Variants in SYMPK observed in about 807,000 individuals in gnomAD.
SYMPK encodes symplekin.
In SYMPK, 49 loss-of-function variants were observed where a neutral mutation model predicts 136.4. That is an observed-to-expected ratio of 0.36 (90% confidence interval 0.29 to 0.46). The LOEUF is 0.46. SYMPK is among the 20% of genes least tolerant of loss of function. The probability of loss-of-function intolerance (pLI) is 1.00; values close to 1 mark genes in which losing one functional copy is unlikely to be tolerated. For missense variants in SYMPK, 1,365 were observed against 1,690.0 expected, an observed-to-expected ratio of 0.81 and a Z score of 3.37; for synonymous variants, 766 against 713.0, an observed-to-expected ratio of 1.07 and a Z score of -1.19.
intron 10 of SYMPK, 125 bp downstream of exon 10, chr19:45,838,336 C>T (rs1462800987): frequency 8.4e-6 from 10 of 1,197,332 alleles, no homozygotes; most frequent in Non-Finnish European, 1.1e-5. Context: ...CCAATTAAAC[C>T]CCTTTTCTTT....
chr19:45,858,110 G>GT (rs1363765560), intron 1 of SYMPK, among the ~76,000 whole-genome samples: 3 of 152,006 alleles, frequency 2.0e-5, no homozygotes, highest in Non-Finnish European at 2.9e-5. Context: ...AAAATGACAC[G>GT]TTTTTTAAAA....
In SYMPK at chr19:45,842,244, T is replaced by C; in HGVS notation, c.1087+6A>G. The C allele has an allele frequency of 6.2e-7, 1 of 1,613,966 alleles. No homozygotes were observed. Among genetic ancestry groups the C allele is most frequent in the Non-Finnish European group, 8.5e-7 (1 of 1,179,844 alleles). ...CTGCCTGCCCCACCCCACCAGCCCCTCTCACCCAGCTTCATCTTCTTGAGT... is the reference window on the plus strand; with the variant it reads ...CTGCCTGCCCCACCCCACCAGCCCCCCTCACCCAGCTTCATCTTCTTGAGT... On this transcript the variant is annotated splice_donor_region_variant and intron_variant, in intron 9 of 26. Transcript: ENST00000245934.
intron 6 of SYMPK, 102 bp from the exon 7 acceptor site, chr19:45,848,103 T>TG (rs1971611836): frequency 2.3e-6 from 3 of 1,330,106 alleles, no homozygotes; most frequent in Non-Finnish European, 3.1e-6. Context: ...CCATGAATGA[T>TG]GAATACATTC....
chr19:45,832,542 T>G (rs773862727), intron 11 of SYMPK, among the ~76,000 whole-genome samples: 2 of 151,868 alleles, frequency 1.3e-5, no homozygotes, highest in Admixed American at 6.6e-5. Context: ...ATGAAGAGAG[T>G]TGGACACAAA....
intron 9 of SYMPK, among the ~76,000 whole-genome samples, chr19:45,839,027 T>C (rs943490380): frequency 1.3e-5 from 2 of 152,172 alleles, no homozygotes; most frequent in South Asian, 4.1e-4. Context: ...ACTGGGATTA[T>C]AGGCATGCGC....
intron 11 of SYMPK, among the ~76,000 whole-genome samples, chr19:45,834,210 C>T (rs930814544): frequency 6.6e-6 from 1 of 152,142 alleles, no homozygotes; most frequent in Non-Finnish European, 1.5e-5. Context: ...ATGGCGTGAA[C>T]CCGAGAAGCG....
chr19:45,858,055 T>A (rs945181425), intron 1 of SYMPK, among the ~76,000 whole-genome samples: 2 of 152,160 alleles, frequency 1.3e-5, no homozygotes, highest in Admixed American at 6.5e-5. Context: ...CACCTTGGCC[T>A]CCCAAATTGC....
chr19:45,828,630 A>C, intron 14 of SYMPK: 1 of 299,764 alleles, frequency 3.3e-6, no homozygotes, highest in Non-Finnish European at 6.3e-6. Context: ...CAGGTAGTGA[A>C]TGGGGTGTAG....
At chr19:45,861,667 G>A (rs1971970680) in intron 1 of SYMPK, among the ~76,000 whole-genome samples, 1 of 151,674 alleles carries the variant, frequency 6.6e-6, no homozygotes, top group African/African-American at 2.4e-5. Flanking sequence ...AACCTGGAAG[G>A]CAGAGGTTGC....
chr19:45,862,940 T>C (rs1177046054), intron 1 of SYMPK, 118 bp downstream of exon 1: 2 of 399,654 alleles, frequency 5.0e-6, no homozygotes, highest in Non-Finnish European at 8.9e-6. Context: ...GGAAGAAACA[T>C]GGGTCGCGAA....
intron 12 of SYMPK, 177 bp from the exon 13 acceptor site, chr19:45,830,381 A>G: frequency 1.4e-6 from 1 of 689,934 alleles, no homozygotes; most frequent in East Asian, 2.8e-5. Flanking sequence ...AGAGGAAGGA[A>G]GAGGATGTTA....
intron 14 of SYMPK, 70 bp from the exon 15 acceptor site, chr19:45,827,988 T>C (rs1486658401): frequency 2.1e-6 from 3 of 1,458,594 alleles, no homozygotes; most frequent in Non-Finnish European, 2.9e-6. Flanking sequence ...CCTGCTGAAT[T>C]GTAGGAGCTC....
Position 45,842,230 on chromosome 19 carries a change from A to AC in SYMPK, c.1087+19dup, listed in dbSNP as rs1971457105. The AC allele has an allele frequency of 6.2e-7, 1 of 1,613,158 alleles. No homozygotes were observed. The highest frequency in any genetic ancestry group is 1.7e-5 in the Admixed American group (1 of 59,936). On this transcript the variant is annotated intron_variant, in intron 9 of 26. Coordinates refer to ENST00000245934, the MANE Select transcript of SYMPK (RefSeq NM_004819.3). ...CATTTCAGCATGGTCTGCCTGCCCC[A>AC]CCCCACCAGCCCCTCTCACCCAGCT...
At chr19:45,854,830 C>A in intron 1 of SYMPK, 1 of 354,720 alleles carries the variant, frequency 2.8e-6, no homozygotes, top group Admixed American at 3.9e-5. Context: ...CCGTGTGTCC[C>A]CTCTCTCCAT....
intron 7 of SYMPK, among the ~76,000 whole-genome samples, chr19:45,846,945 C>A (rs1011694201): frequency 6.6e-6 from 1 of 151,940 alleles, no homozygotes; most frequent in African/African-American, 2.4e-5. Context: ...AGGTGCCCGC[C>A]ACCATGCCCG....
At chr19:45,823,542 A>G in intron 19 of SYMPK, 70 bp from the exon 20 acceptor site, 1 of 1,443,046 alleles carries the variant, frequency 6.9e-7, no homozygotes, top group East Asian at 2.3e-5. Flanking sequence ...GGCACCCAGG[A>G]AAGAGAAGCA....
chr19:45,833,072 G>A (rs186693991), intron 11 of SYMPK, among the ~76,000 whole-genome samples: 3 of 151,366 alleles, frequency 2.0e-5, no homozygotes, highest in Non-Finnish European at 2.9e-5. Flanking sequence ...TGGTGGCAGC[G>A]GGTGCCTGTA....
Position 45,822,835 on chromosome 19 carries a change from G to C in SYMPK, c.2712C>G (p.Ile904Met). The C allele has an allele frequency of 6.2e-7, 1 of 1,613,604 alleles. No homozygotes were observed. The highest frequency in any genetic ancestry group is 8.5e-7 in the Non-Finnish European group (1 of 1,179,638). ...GTTTGATGAGTTTAGGCAGGGCCTG[G>C]ATCACCTCTTTCTACAGGGAGAAGG... Reference protein sequence around the residue: ...VLNGLEKKEVIQALPKLIKLN... With the variant: ...VLNGLEKKEVMQALPKLIKLN... Residue 904 changes from isoleucine (I) to methionine (M), a missense_variant, in exon 21 of 27, where the codon ATC becomes ATG. Physicochemically the swap from Ile to Met is conservative, Grantham distance 10 (BLOSUM62 1). Coordinates refer to ENST00000245934, the MANE Select transcript of SYMPK (RefSeq NM_004819.3).
intron 5 of SYMPK, among the ~76,000 whole-genome samples, chr19:45,849,748 T>C (rs1157511114): frequency 2.0e-5 from 3 of 152,026 alleles, no homozygotes; most frequent in Admixed American, 6.6e-5. Context: ...CAGACATGAG[T>C]TAAAATCCCA....
Sources: gnomAD v4.1 joint callset for allele counts (sites outside exome capture counted in the v4.1 genomes callset) on GRCh38, gnomAD v4.1.1 for gene constraint, MANE v1.5 for transcripts, NCBI Gene and HGNC (gene_info 2026-07-23, HGNC 2026-07-21) for gene names.